Variants in MYH2 observed in about 807,000 individuals in gnomAD.
MYH2 encodes the protein myosin heavy chain 2.
Under a neutral mutation model 228.1 loss-of-function variants are expected in MYH2, and 139 were observed. The observed-to-expected ratio is 0.61, with a 90% CI of 0.53 to 0.70. The LOEUF is 0.70. Ranked by LOEUF, MYH2 falls within the 30% of genes least tolerant of loss-of-function variation. MYH2 has a pLI of 0.00. For missense variants in MYH2, 1,809 were observed against 2,357.5 expected (o/e 0.77, Z 4.82); for synonymous variants, 796 against 871.1 (o/e 0.91, Z 1.52).
chr17:10,523,968 A>G, intron 35 of MYH2, 84 bp from the exon 36 acceptor site: 1 of 1,433,560 alleles, frequency 7.0e-7, no homozygotes, highest in Non-Finnish European at 9.5e-7. Flanking sequence ...AATTCAGATA[A>G]AAATTTGCAA....
chr17:10,546,222 C>T (rs532282425), intron 4 of MYH2, among the ~76,000 whole-genome samples: 69 of 117,076 alleles, frequency 5.9e-4, no homozygotes, highest in African/African-American at 2.3e-3. Flanking sequence ...ATTTACAAAA[C>T]GTTTTTAAGT....
In MYH2 at chr17:10,542,865, C is replaced by T. The variant is rs719277; in HGVS notation, c.904+10G>A. 658,534 of 1,539,660 alleles carry T rather than the reference C, an allele frequency of 0.43. 148,706 individuals carry two copies. Among genetic ancestry groups the T allele is most frequent in the East Asian group, 0.83 (36,753 of 44,250 alleles). On this transcript the variant is annotated intron_variant, in intron 10 of 39. Coordinates refer to ENST00000245503, the MANE Select transcript of MYH2 (RefSeq NM_017534.6). ...CAGTAATTCTGGAAAAGAATTATGA[C>T]ATTTCTTACCAATAAGTTCTGGTTT...
At chr17:10,533,731 A>T in intron 19 of MYH2, 99 bp from the exon 20 acceptor site, 1 of 1,462,322 alleles carries the variant, frequency 6.8e-7, no homozygotes, top group East Asian at 2.3e-5. Context: ...GCTTTAAAAA[A>T]ATATTATTCT....
chr17:10,545,739 C>T (rs2073621149), intron 4 of MYH2, among the ~76,000 whole-genome samples: 2 of 152,112 alleles, frequency 1.3e-5, no homozygotes, highest in South Asian at 2.1e-4. Flanking sequence ...TAATTTTGTA[C>T]GTGCTTTTTG....
chr17:10,540,234 C>A (rs1336040186), intron 11 of MYH2, among the ~76,000 whole-genome samples, 168 bp from the exon 12 acceptor site: 5 of 151,740 alleles, frequency 3.3e-5, no homozygotes, highest in Non-Finnish European at 5.9e-5. Flanking sequence ...CAGCACAGAG[C>A]ATTAGAATTA....
At chr17:10,523,469 G>A in intron 37 of MYH2, 27 bp downstream of exon 37, 1 of 1,614,168 alleles carries the variant, frequency 6.2e-7, no homozygotes, top group Non-Finnish European at 8.5e-7. Flanking sequence ...AAAGCAGATG[G>A]AAATAGACAG....
chr17:10,536,524 C>T lies in MYH2; in HGVS notation c.1974+6G>A. Reference sequence around the variant, plus strand: ...TGGAGAATGTCAAAAACAATTTCTTCCTTACTCTGAAAAGGGCAGACACTG... The same window carrying T: ...TGGAGAATGTCAAAAACAATTTCTTTCTTACTCTGAAAAGGGCAGACACTG... On this transcript the variant is annotated splice_donor_region_variant and intron_variant, in intron 17 of 39. Coordinates refer to ENST00000245503, the MANE Select transcript of MYH2 (RefSeq NM_017534.6). 1 of 1,612,586 alleles carries T rather than the reference C, an allele frequency of 6.2e-7. No individual in the cohort carries two copies. The highest frequency in any genetic ancestry group is 1.1e-5 in the South Asian group (1 of 90,902).
At chr17:10,527,725 T>A in intron 28 of MYH2, 23 bp downstream of exon 28, 1 of 1,613,888 alleles carries the variant, frequency 6.2e-7, no homozygotes, top group Non-Finnish European at 8.5e-7. Flanking sequence ...ACCCTGAAGC[T>A]GCACAGAAGA....
At position 10,539,913 on chromosome 17, in the gene MYH2, T is replaced by C; in HGVS notation, c.1147+15A>G. The C allele has an allele frequency of 6.2e-7, 1 of 1,613,630 alleles. No homozygotes were observed. The highest frequency in any genetic ancestry group is 8.5e-7 in the Non-Finnish European group (1 of 1,179,876). On this transcript the variant is annotated intron_variant, in intron 12 of 39. Coordinates refer to ENST00000245503, the MANE Select transcript of MYH2 (RefSeq NM_017534.6). ...TCAAACAAATGCAAAATCATGGGAG[T>C]GACTTAGTTGATACCTTCTGTGCCA... is the stretch of plus-strand genomic sequence containing the variant.
rs1437877546 is a variant in MYH2, at chr17:10,527,070, G to A, written c.3872-14C>T. 1.2e-6 allele frequency: 2 copies of A among 1,606,314 alleles called. No individual in the cohort carries two copies. Among genetic ancestry groups the A allele is most frequent in the Non-Finnish European group, 1.7e-6 (2 of 1,172,966 alleles). ...GTGAAAACTCACCTGATGGACAAAAGAAATGGCACCATTTTTTAGGTGAAA... is the reference window on the plus strand; with the variant it reads ...GTGAAAACTCACCTGATGGACAAAAAAAATGGCACCATTTTTTAGGTGAAA... On this transcript the variant is annotated splice_polypyrimidine_tract_variant and intron_variant, in intron 28 of 39. Coordinates refer to ENST00000245503, the MANE Select transcript of MYH2 (RefSeq NM_017534.6).
rs767243766 is a variant in MYH2 at position 10,528,917 on chromosome 17, G to A, written c.3517C>T (p.Arg1173Trp). The A allele has an allele frequency of 8.7e-6, 14 of 1,614,024 alleles. No homozygotes were observed. The highest frequency in any genetic ancestry group is 2.7e-5 in the African/African-American group (2 of 74,918). The change falls in exon 27 of 40, where the codon CGG becomes TGG. Residue 1173 changes from arginine (R) to tryptophan (W), a missense_variant. Coordinates refer to ENST00000245503, the MANE Select transcript of MYH2 (RefSeq NM_017534.6). ...CGCATTTTCTGGAACTCAGCCTCCC[G>A]CTTCTTGTTCATCTCAATCTGGGCT... ...TSAQIEMNKK[R>W]EAEFQKMRRD...
rs1288517209 is a variant in MYH2, at chr17:10,521,387, G to A, written c.5719C>T (p.His1907Tyr). The A allele has an allele frequency of 2.5e-6, 4 of 1,613,940 alleles. No homozygotes were observed. The highest frequency in any genetic ancestry group is 2.5e-6 in the Non-Finnish European group (3 of 1,180,002). ...TNLAKFRKLQ[H>Y]ELEEAEERAD... ...CGTTCCTCGGCCTCCTCCAGCTCAT[G>A]CTGGAGCTTGCGGAATTTAGCTAGA... is the stretch of plus-strand genomic sequence containing the variant. The change falls in exon 40 of 40, where the codon CAT becomes TAT. Residue 1907 changes from histidine to tyrosine, a missense_variant. Physicochemically the swap from His to Tyr is moderately conservative, Grantham distance 83. Around this residue, in one of 9 missense-constraint regions of MYH2, gnomAD observed 278 missense variants for 308.5 expected, o/e 0.90. Transcript: ENST00000245503.
Position 10,525,402 on chromosome 17 carries a change from G to A in MYH2, c.4537+49C>T. ...ATTTGGTTAAACATGTGACATAAGG[G>A]AGAGATTCTTCCAAGTTATGAATAT... On this transcript the variant is annotated intron_variant, in intron 32 of 39. Coordinates refer to ENST00000245503, the MANE Select transcript of MYH2 (RefSeq NM_017534.6). This position sits in a 1 kb window ranked among gnomAD's most constrained non-coding sequence, Gnocchi z 4.2. 6.2e-7 allele frequency: 1 copy of A among 1,614,088 alleles called. No individual in the cohort carries two copies.
chr17:10,525,082 G>A lies in MYH2; in HGVS notation c.4663-17C>T, dbSNP rs550726464. 1.2e-6 allele frequency: 2 copies of A among 1,614,064 alleles called. No individual in the cohort carries two copies. Among genetic ancestry groups the A allele is most frequent in the African/African-American group, 2.7e-5 (2 of 75,024 alleles). ...AAGAGATGCCTTAATGACAGCAAGAGGTGACATTAGCAAGGAACCAAAAGC... is the reference window on the plus strand; with the variant it reads ...AAGAGATGCCTTAATGACAGCAAGAAGTGACATTAGCAAGGAACCAAAAGC... On this transcript the variant is annotated splice_polypyrimidine_tract_variant and intron_variant, in intron 33 of 39. Coordinates refer to ENST00000245503, the MANE Select transcript of MYH2 (RefSeq NM_017534.6). The surrounding 1 kb of genome is among the most constrained non-coding windows in gnomAD (Gnocchi z 4.2).
chr17:10,524,798 C>T lies in MYH2; in HGVS notation c.4930G>A (p.Glu1644Lys). Residue 1644 changes from glutamate to lysine, a missense_variant, in exon 34 of 40, where the codon GAG becomes AAG. Coordinates refer to ENST00000245503, the MANE Select transcript of MYH2 (RefSeq NM_017534.6). The surrounding 1 kb of genome is among the most constrained non-coding windows in gnomAD (Gnocchi z 4.7). ...QLNHANRMAA[E>K]ALRNYRNTQG... ...GTGTTCCTGTAGTTCCTCAGGGCCT[C>T]AGCAGCCATGCGGTTGGCATGGTTC... The T allele has an allele frequency of 6.2e-7, 1 of 1,614,184 alleles. No individual in the cohort carries two copies. Among genetic ancestry groups the T allele is most frequent in the South Asian group, 1.1e-5 (1 of 91,082 alleles).
rs62060669 is a variant in MYH2 at position 10,548,200 on chromosome 17, T to A, written c.-20-260A>T. 0.094 allele frequency among the ~76,000 whole-genome samples: 14,345 copies of A among 152,250 alleles called. 824 individuals are homozygous for A. Among genetic ancestry groups the A allele is most frequent in the Non-Finnish European group, 0.12 (8,485 of 67,998 alleles). On this transcript the variant is annotated intron_variant, in intron 2 of 39. Coordinates refer to ENST00000245503, the MANE Select transcript of MYH2 (RefSeq NM_017534.6). ...CAGGACTCACATTCTCATTGGGAAC[T>A]GAATTACAGTCCAGTGCTGCTGTCA...
rs1343168156 is a variant in MYH2, at chr17:10,531,779, T to A, written c.2551A>T (p.Thr851Ser). Residue 851 changes from threonine (T) to serine (S), a missense_variant, in exon 22 of 40, where the codon ACT (threonine) becomes TCT (serine). This residue lies in a region of MYH2 where 276 missense variants were observed against 344.2 expected (regional missense o/e 0.80). Transcript: ENST00000245503. ...KIKPLLKSAETEKEMATMKEE... is the reference protein window; with the variant it reads ...KIKPLLKSAESEKEMATMKEE... ...TTCATGGTGGCCATCTCCTTCTCAG[T>A]TTCTGCACTCTTCAACAGAGGCTTG... 1 of 1,614,240 alleles carries A rather than the reference T, an allele frequency of 6.2e-7. No homozygotes were observed. The highest frequency in any genetic ancestry group is 8.5e-7 in the Non-Finnish European group (1 of 1,180,036).
At chr17:10,542,501 A>G (rs2073569478) in intron 10 of MYH2, among the ~76,000 whole-genome samples, 1 of 152,246 alleles carries the variant, frequency 6.6e-6, no homozygotes, top group African/African-American at 2.4e-5. Context: ...GGAAAAAGCT[A>G]TGATACATAA....
chr17:10,531,909 A>G (rs371996772), intron 21 of MYH2, 21 bp from the exon 22 acceptor site: 39 of 1,613,632 alleles, frequency 2.4e-5, no homozygotes, highest in Non-Finnish European at 3.1e-5. Context: ...ATTGATGCAA[A>G]TTAGTATTGT....
Sources: allele counts gnomAD v4.1 joint callset (sites outside exome capture counted in the v4.1 genomes callset), GRCh38; gene constraint gnomAD v4.1.1; regional missense constraint gnomAD v4.1.1; non-coding constraint Gnocchi (gnomAD v3.1); transcripts MANE v1.5; gene names NCBI Gene and HGNC (gene_info 2026-07-23, HGNC 2026-07-21).